Variants in MACROD2 observed in about 807,000 individuals in gnomAD.
MACROD2 encodes the protein ADP-ribose glycohydrolase MACROD2.
Under a neutral mutation model 70.4 loss-of-function variants are expected in MACROD2, and 36 were observed. That is an observed-to-expected ratio of 0.51 (90% CI 0.39 to 0.68). The LOEUF (loss-of-function observed/expected upper bound fraction) is 0.68. Ranked by LOEUF, MACROD2 falls within the 30% of genes least tolerant of loss-of-function variation. The pLI is 0.00. For missense variants in MACROD2, 496 were observed against 538.4 expected (o/e 0.92, Z 0.78); for synonymous variants, 172 against 178.8 (o/e 0.96, Z 0.30).
chr20:15,069,791 C>T (rs866733749), intron 5 of MACROD2, among the ~76,000 whole-genome samples: 1 of 152,190 alleles, frequency 6.6e-6, no homozygotes, highest in Non-Finnish European at 1.5e-5. Context: ...AGCGTGGGTG[C>T]CCAGGCAGTA....
intron 9 of MACROD2, among the ~76,000 whole-genome samples, chr20:15,874,680 T>C (rs1270222773): frequency 6.6e-6 from 1 of 152,152 alleles, no homozygotes; most frequent in East Asian, 1.9e-4. Context: ...GATGAGCATT[T>C]TTAAATATGT....
chr20:14,524,907 T>C (rs1169778761), intron 4 of MACROD2, among the ~76,000 whole-genome samples: 1 of 152,146 alleles, frequency 6.6e-6, no homozygotes, highest in Non-Finnish European at 1.5e-5. Context: ...TTGCAAGAAC[T>C]CGTTCACCAC....
intron 9 of MACROD2, among the ~76,000 whole-genome samples, chr20:15,883,690 A>C (rs2064786663): frequency 6.6e-6 from 1 of 152,126 alleles, no homozygotes; most frequent in Non-Finnish European, 1.5e-5. Context: ...TATAGGAGAA[A>C]GTTGTAAATC....
At chr20:16,001,535 T>C (rs2066709253) in intron 15 of MACROD2, among the ~76,000 whole-genome samples, 1 of 152,248 alleles carries the variant, frequency 6.6e-6, no homozygotes, top group Non-Finnish European at 1.5e-5. Flanking sequence ...TTTACATTTT[T>C]TACATAGAAG....
At chr20:16,032,509 A>C (rs1192549429) in intron 15 of MACROD2, among the ~76,000 whole-genome samples, 1 of 151,868 alleles carries the variant, frequency 6.6e-6, no homozygotes, top group Non-Finnish European at 1.5e-5. Context: ...TCTTAAATTC[A>C]AGGAAGAAAG....
chr20:15,329,805 G>A (rs1600249236), intron 6 of MACROD2, among the ~76,000 whole-genome samples: 3 of 151,952 alleles, frequency 2.0e-5, no homozygotes, highest in African/African-American at 4.8e-5. Context: ...AAACAGAAAC[G>A]CTGATGGCAA....
intron 6 of MACROD2, among the ~76,000 whole-genome samples, chr20:15,241,728 A>G (rs1386635578): frequency 6.6e-6 from 1 of 151,276 alleles, no homozygotes; most frequent in Admixed American, 6.6e-5. Flanking sequence ...GATGTTTTTC[A>G]ATGTAAAAAA....
intron 3 of MACROD2, among the ~76,000 whole-genome samples, chr20:14,424,005 G>A (rs150799637): frequency 0.034 from 5,150 of 151,474 alleles, 280 homozygotes; most frequent in African/African-American, 0.12. Context: ...CAGGTGATCC[G>A]CCCGCCTCAG....
intron 5 of MACROD2, among the ~76,000 whole-genome samples, chr20:15,193,504 C>A (rs2076585329): frequency 6.6e-6 from 1 of 151,974 alleles, no homozygotes; most frequent in South Asian, 2.1e-4. Flanking sequence ...AAAACTTAGC[C>A]AAGTGTAGTG....
At chr20:15,748,367 CCTCCCT>C (rs2051216445) in intron 8 of MACROD2, among the ~76,000 whole-genome samples, 2 of 119,554 alleles carry the variant, frequency 1.7e-5, no homozygotes, top group Non-Finnish European at 3.9e-5. Flanking sequence ...TTCCTTCCTT[CCTCCCT>C]TCCTTCTTTC....
At chr20:15,906,461 T>A (rs1261693825) in intron 10 of MACROD2, among the ~76,000 whole-genome samples, 1 of 152,238 alleles carries the variant, frequency 6.6e-6, no homozygotes, top group African/African-American at 2.4e-5. Context: ...CTGAGCATTT[T>A]CTACAAATTG....
At chr20:15,825,048 A>C (rs2063981836) in intron 8 of MACROD2, among the ~76,000 whole-genome samples, 2 of 152,198 alleles carry the variant, frequency 1.3e-5, no homozygotes, top group Non-Finnish European at 2.9e-5. Flanking sequence ...TTTTCTAATG[A>C]TGGTCCATTG....
chr20:15,776,690 C>G (rs1454926238), intron 8 of MACROD2, among the ~76,000 whole-genome samples: 1 of 152,276 alleles, frequency 6.6e-6, no homozygotes, highest in Non-Finnish European at 1.5e-5. Context: ...AGAACATTCC[C>G]TTTTAAAAGT....
At chr20:15,175,947 G>A (rs199299) in intron 5 of MACROD2, among the ~76,000 whole-genome samples, 142,085 of 152,286 alleles carry the variant, frequency 0.93, 66,404 homozygotes, top group African/African-American at 0.97. Flanking sequence ...CTGCACTCTC[G>A]GAGGCCTGGG....
At chr20:15,526,273 T>C (rs896146496) in intron 8 of MACROD2, among the ~76,000 whole-genome samples, 2 of 152,178 alleles carry the variant, frequency 1.3e-5, no homozygotes, top group African/African-American at 4.8e-5. Flanking sequence ...ATAAGCTAGC[T>C]GGACCCCAAA....
chr20:14,436,061 GC>G (rs1475390328), intron 3 of MACROD2, among the ~76,000 whole-genome samples: 1 of 151,992 alleles, frequency 6.6e-6, no homozygotes, highest in Non-Finnish European at 1.5e-5. Context: ...TTTTATAAAA[GC>G]CAGAACATAC....
Position 15,004,920 on chromosome 20 carries a change from A to AT in MACROD2, c.419-225018dup, listed in dbSNP as rs564959253. On this transcript the variant is annotated intron_variant, in intron 5 of 17. Coordinates refer to ENST00000684519, the MANE Select transcript of MACROD2 (RefSeq NM_001351661.2). ...GTTTGATTTCCATATACTTCCAAATATTCCCTTCAGGCAGTTTCCTCCAAA... is the reference window on the plus strand; with the variant it reads ...GTTTGATTTCCATATACTTCCAAATATTTCCCTTCAGGCAGTTTCCTCCAAA... 9.5e-4 allele frequency among the ~76,000 whole-genome samples: 144 copies of AT among 152,296 alleles called. 1 individual carries two copies. The highest frequency in any genetic ancestry group is 3.3e-3 in the African/African-American group (137 of 41,576).
At chr20:15,157,733 C>T (rs1474915937) in intron 5 of MACROD2, among the ~76,000 whole-genome samples, 2 of 152,152 alleles carry the variant, frequency 1.3e-5, no homozygotes, top group Non-Finnish European at 2.9e-5. Context: ...ATGGTGGGCA[C>T]TGGCAGGAAA....
At chr20:14,967,991 A>G (rs1056488499) in intron 5 of MACROD2, among the ~76,000 whole-genome samples, 2 of 152,154 alleles carry the variant, frequency 1.3e-5, no homozygotes, top group African/African-American at 2.4e-5. Context: ...TAGGACAGTT[A>G]TTAATATTTT....
Sources: gnomAD v4.1 joint callset for allele counts (sites outside exome capture counted in the v4.1 genomes callset) on GRCh38, gnomAD v4.1.1 for gene constraint, MANE v1.5 for transcripts, NCBI Gene and HGNC (gene_info 2026-07-23, HGNC 2026-07-21) for gene names.